The following CSNK2A2 variants were observed in gnomAD, a reference collection of about 807,000 sequenced individuals.
The protein encoded by CSNK2A2 is casein kinase 2 alpha 2.
In CSNK2A2, 8 loss-of-function variants were observed where a neutral mutation model predicts 54.0. That is an observed-to-expected ratio of 0.15 (90% CI 0.09 to 0.27). The LOEUF is 0.27. Ranked by LOEUF, CSNK2A2 falls within the 10% of genes least tolerant of loss-of-function variation. The pLI, the probability that CSNK2A2 is intolerant of heterozygous loss-of-function variation, is 1.00. For missense variants in CSNK2A2, 242 were observed against 439.4 expected (o/e 0.55, Z 4.02); for synonymous variants, 141 against 153.9 (o/e 0.92, Z 0.62).
chr16:58,174,418 G>T, intron 5 of CSNK2A2, 33 bp downstream of exon 5: 2 of 1,504,216 alleles, frequency 1.3e-6, no homozygotes, highest in South Asian at 2.4e-5. Context: ...GAACAGGCCT[G>T]AAAAAAATTA....
intron 9 of CSNK2A2, 133 bp from the exon 10 acceptor site, chr16:58,165,841 G>A: frequency 2.3e-6 from 2 of 884,046 alleles, no homozygotes; most frequent in Admixed American, 3.2e-5. Context: ...ACTGGTGCCT[G>A]CCCTACGGCC....
At chr16:58,170,306 G>A (rs927973577) in intron 5 of CSNK2A2, among the ~76,000 whole-genome samples, 1 of 151,990 alleles carries the variant, frequency 6.6e-6, no homozygotes, top group African/African-American at 2.4e-5. Context: ...TGCTGGTATA[G>A]ATTTGCCTTT....
intron 8 of CSNK2A2, 79 bp from the exon 9 acceptor site, chr16:58,166,763 C>G: frequency 1.0e-6 from 1 of 982,696 alleles, no homozygotes; most frequent in Non-Finnish European, 1.6e-6. Context: ...ACCAAGGAAT[C>G]AGAAGACTTC....
intron 3 of CSNK2A2, among the ~76,000 whole-genome samples, chr16:58,184,645 G>A (rs1273018067): frequency 6.6e-6 from 1 of 152,142 alleles, no homozygotes; most frequent in African/African-American, 2.4e-5. Flanking sequence ...ATAATAAAAA[G>A]TTTTAAGAGG....
rs59002536 is a variant in CSNK2A2, at chr16:58,182,554, C to CAA, written c.369+1704_369+1705dup. On this transcript the variant is annotated intron_variant, in intron 4 of 11. Transcript: ENST00000262506. The stretch of plus-strand genomic sequence containing the variant: ...TAGGCGACAGAGCGAGGCTCCGTCT[C>CAA]AAAAAAAAAAAAAAAAAAACAAAAC... Among the ~76,000 whole-genome samples the CAA allele has an allele frequency of 7.7e-3, 623 of 80,572 alleles. 13 individuals are homozygous for CAA. The highest frequency in any genetic ancestry group is 0.024 in the African/African-American group (567 of 23,206). The allele number at this position is 80,572 out of a possible 152,430, so 52.9% of individuals were successfully genotyped here.
chr16:58,165,716 GA>G lies in CSNK2A2; in HGVS notation c.828-9del. Reference sequence around the variant, plus strand: ...CAGCGTTTCCGTGAATGTCTGAGAAGAAAAATGAAGCATTAGTAACCAGAGA... The same window carrying G: ...CAGCGTTTCCGTGAATGTCTGAGAAGAAAATGAAGCATTAGTAACCAGAGA... On this transcript the variant is annotated splice_polypyrimidine_tract_variant and intron_variant, in intron 9 of 11. Coordinates refer to ENST00000262506, the MANE Select transcript of CSNK2A2 (RefSeq NM_001896.4). 6.2e-7 allele frequency: 1 copy of G among 1,604,532 alleles called. No homozygotes were observed. Among genetic ancestry groups the G allele is most frequent in the Non-Finnish European group, 8.5e-7 (1 of 1,177,134 alleles).
intron 11 of CSNK2A2, chr16:58,163,108 T>TC: frequency 6.6e-6 from 1 of 151,984 alleles, no homozygotes; most frequent in East Asian, 1.9e-4. Flanking sequence ...TGGGATGTTT[T>TC]CCTCCCTCGC....
chr16:58,176,695 A>C (rs889606715), intron 4 of CSNK2A2, among the ~76,000 whole-genome samples: 1 of 152,184 alleles, frequency 6.6e-6, no homozygotes, highest in African/African-American at 2.4e-5. Context: ...CTTAGCCTGT[A>C]AAGCCAAAAC....
chr16:58,170,267 G>A, intron 5 of CSNK2A2, among the ~76,000 whole-genome samples: 1 of 151,874 alleles, frequency 6.6e-6, no homozygotes, highest in Non-Finnish European at 1.5e-5. Flanking sequence ...ACCCCTCCGT[G>A]CCCTGCCCAC....
intron 2 of CSNK2A2, among the ~76,000 whole-genome samples, chr16:58,187,608 A>G (rs1028868381): frequency 1.8e-4 from 28 of 152,280 alleles, no homozygotes; most frequent in Non-Finnish European, 1.6e-4. Context: ...GAAGAAGAAT[A>G]GAAACAGTTC....
intron 4 of CSNK2A2, among the ~76,000 whole-genome samples, chr16:58,180,211 A>C (rs1159969715): frequency 6.6e-6 from 1 of 152,072 alleles, no homozygotes; most frequent in African/African-American, 2.4e-5. Flanking sequence ...AGGAGCAGAA[A>C]GAGAAAAACA....
chr16:58,171,559 ACT>A (rs1158153243), intron 5 of CSNK2A2, among the ~76,000 whole-genome samples: 2 of 152,014 alleles, frequency 1.3e-5, no homozygotes, highest in African/African-American at 4.8e-5. Context: ...GGCACTACTA[ACT>A]ATGGGGATAC....
chr16:58,161,534 C>CACACACACACACACACACAG (rs1567460720), intron 11 of CSNK2A2: 1 of 135,378 alleles, frequency 7.4e-6, no homozygotes, highest in African/African-American at 3.2e-5. Context: ...CAGACACACA[C>CACACACACACACACACACAG]ACAGACACAC....
chr16:58,167,559 A>G, intron 7 of CSNK2A2, 126 bp downstream of exon 7: 1 of 739,820 alleles, frequency 1.4e-6, no homozygotes, highest in Non-Finnish European at 2.2e-6. Context: ...AAAAAACTAA[A>G]ATCAGCATTT....
At chr16:58,165,429 A>C in intron 10 of CSNK2A2, 131 bp downstream of exon 10, 1 of 997,130 alleles carries the variant, frequency 1.0e-6, no homozygotes, top group South Asian at 2.6e-5. Context: ...ATCTACGATA[A>C]ATGAGGCCAA....
intron 6 of CSNK2A2, among the ~76,000 whole-genome samples, 173 bp downstream of exon 6, chr16:58,168,437 T>C (rs949707536): frequency 7.2e-5 from 11 of 152,192 alleles, no homozygotes; most frequent in Non-Finnish European, 1.3e-4. Flanking sequence ...ACTTTCCTTG[T>C]GTACTACACT....
chr16:58,165,340 G>C (rs1322832201), intron 10 of CSNK2A2, among the ~76,000 whole-genome samples: 1 of 152,218 alleles, frequency 6.6e-6, no homozygotes, highest in Non-Finnish European at 1.5e-5. Context: ...CAAACAGCTT[G>C]AACTCCGGGG....
At chr16:58,163,902 T>C in intron 11 of CSNK2A2, 152 bp downstream of exon 11, 6 of 580,664 alleles carry the variant, frequency 1.0e-5, no homozygotes, top group Non-Finnish European at 1.8e-5. Flanking sequence ...CACTGGGGAG[T>C]TTCTTTCTTG....
At chr16:58,192,197 T>C (rs1962335150) in intron 2 of CSNK2A2, among the ~76,000 whole-genome samples, 1 of 152,208 alleles carries the variant, frequency 6.6e-6, no homozygotes, top group African/African-American at 2.4e-5. Context: ...TCAAGCCTTC[T>C]GCCCTCTCAT....
Sources: allele counts gnomAD v4.1 joint callset (sites outside exome capture counted in the v4.1 genomes callset), GRCh38; gene constraint gnomAD v4.1.1; transcripts MANE v1.5; gene names NCBI Gene and HGNC (gene_info 2026-07-23, HGNC 2026-07-21).